Variants in ARHGEF7 observed in about 807,000 individuals in gnomAD.
ARHGEF7 encodes Rho guanine nucleotide exchange factor 7.
Under a neutral mutation model 109.8 loss-of-function variants are expected in ARHGEF7, and 33 were observed. That is an observed-to-expected ratio of 0.30 (90% CI 0.23 to 0.40). The LOEUF (loss-of-function observed/expected upper bound fraction) is 0.40. ARHGEF7 is among the 10% of genes least tolerant of loss of function. The pLI is 1.00. For synonymous variants in ARHGEF7, 458 were observed against 424.6 expected (o/e 1.08, Z -0.97); for missense variants, 938 against 1,098.5 (o/e 0.85, Z 2.07).
At chr13:111,205,252 ACT>A (rs1222598778) in intron 2 of ARHGEF7, 35 bp from the exon 3 acceptor site, 4 of 1,528,688 alleles carry the variant, frequency 2.6e-6, no homozygotes, top group African/African-American at 2.8e-5. Flanking sequence ...CCAACATAAG[ACT>A]CTACTAATTT....
At chr13:111,221,555 A>C (rs1256737734) in intron 5 of ARHGEF7, among the ~76,000 whole-genome samples, 35 of 72,252 alleles carry the variant, frequency 4.8e-4, no homozygotes, top group Admixed American at 7.1e-4. Flanking sequence ...ACATATCTAT[A>C]TATCTATATA....
At chr13:111,225,656 T>G (rs895506085) in intron 5 of ARHGEF7, among the ~76,000 whole-genome samples, 1 of 152,202 alleles carries the variant, frequency 6.6e-6, no homozygotes, top group African/African-American at 2.4e-5. Flanking sequence ...GTATCCGTTA[T>G]GGTGATCTGT....
intron 5 of ARHGEF7, among the ~76,000 whole-genome samples, chr13:111,229,756 G>A (rs564746392): frequency 2.0e-5 from 3 of 152,200 alleles, no homozygotes; most frequent in East Asian, 3.9e-4. Context: ...AGGGGTTCCC[G>A]GAGACTTTTT....
chr13:111,116,637 A>T (rs2153303421), intron 1 of ARHGEF7: 1 of 152,346 alleles, frequency 6.6e-6, no homozygotes, highest in East Asian at 1.9e-4. Flanking sequence ...AAATATAGAA[A>T]TTGAAGTGTA....
chr13:111,140,820 C>T (rs1290699685), intron 1 of ARHGEF7, among the ~76,000 whole-genome samples: 2 of 152,022 alleles, frequency 1.3e-5, no homozygotes, highest in African/African-American at 4.8e-5. Flanking sequence ...GCTAGGACTA[C>T]AGCATACGTC....
intron 1 of ARHGEF7, chr13:111,153,587 C>T (rs2076028958): frequency 9.0e-7 from 1 of 1,105,268 alleles, no homozygotes; most frequent in African/African-American, 1.7e-5. Context: ...CGGGGGCGAA[C>T]ACCCGACGCT....
chr13:111,253,304 T>A (rs1331008211), intron 8 of ARHGEF7, among the ~76,000 whole-genome samples: 1 of 152,232 alleles, frequency 6.6e-6, no homozygotes, highest in Admixed American at 6.5e-5. Flanking sequence ...GGAAAATGAA[T>A]TCTTGGAATC....
In ARHGEF7 at chr13:111,239,744, T is replaced by C. The variant is rs532581026; in HGVS notation, c.760-4128T>C. On this transcript the variant is annotated intron_variant, in intron 6 of 21. Transcript: ENST00000646102. This position sits in a 1 kb window ranked among gnomAD's most constrained non-coding sequence, Gnocchi z 4.3. ...GGTGCCTGCTGGCTTCTTTCACACCTGGCTCCCATTGTTTTTCATGGGATT... is the reference window on the plus strand; with the variant it reads ...GGTGCCTGCTGGCTTCTTTCACACCCGGCTCCCATTGTTTTTCATGGGATT... Among the ~76,000 whole-genome samples, 54 of 152,220 alleles carry C rather than the reference T, an allele frequency of 3.5e-4. No individual in the cohort carries two copies. Among genetic ancestry groups the C allele is most frequent in the South Asian group, 1.9e-3 (9 of 4,814 alleles).
At chr13:111,293,608 G>T in intron 19 of ARHGEF7, 1 of 985,340 alleles carries the variant, frequency 1.0e-6, no homozygotes, top group Non-Finnish European at 1.2e-6. Flanking sequence ...ATTGTGTTCT[G>T]TCCCATGCAC....
At chr13:111,166,311 G>A (rs1221975704) in intron 2 of ARHGEF7, among the ~76,000 whole-genome samples, 1 of 152,224 alleles carries the variant, frequency 6.6e-6, no homozygotes, top group African/African-American at 2.4e-5. Context: ...GTCGTGGGGA[G>A]CGAGATCAGG....
At chr13:111,251,179 C>T (rs549298234) in intron 8 of ARHGEF7, among the ~76,000 whole-genome samples, 7 of 152,216 alleles carry the variant, frequency 4.6e-5, no homozygotes, top group South Asian at 4.2e-4. Context: ...TCGGGTATGA[C>T]GGAAAGGGGT....
chr13:111,186,934 G>C (rs73634352), intron 2 of ARHGEF7: 2 of 985,478 alleles, frequency 2.0e-6, no homozygotes, highest in African/African-American at 1.7e-5. Flanking sequence ...GGTCTACTAC[G>C]TAGAGGTGCA....
chr13:111,264,578 C>G (rs1241818798), intron 8 of ARHGEF7, among the ~76,000 whole-genome samples: 2 of 152,118 alleles, frequency 1.3e-5, no homozygotes, highest in East Asian at 3.9e-4. Flanking sequence ...CCAGTCCGTG[C>G]AGGTAACTGT....
intron 2 of ARHGEF7, among the ~76,000 whole-genome samples, chr13:111,165,813 CAT>C (rs1346238978): frequency 1.3e-5 from 2 of 152,124 alleles, no homozygotes; most frequent in African/African-American, 4.8e-5. Flanking sequence ...TGGATGGCCT[CAT>C]ATGTGTAAGT....
chr13:111,206,202 G>T (rs553756604), intron 3 of ARHGEF7, among the ~76,000 whole-genome samples: 120 of 151,548 alleles, frequency 7.9e-4, no homozygotes, highest in African/African-American at 2.8e-3. Flanking sequence ...ATTTTGTCGG[G>T]GTCGCTTCTC....
At chr13:111,246,057 C>T (rs141477722) in intron 8 of ARHGEF7, among the ~76,000 whole-genome samples, 1,629 of 152,182 alleles carry the variant, frequency 0.011, 11 homozygotes, top group Non-Finnish European at 0.016. Flanking sequence ...GAGGCATGTT[C>T]TGAATAATCA....
rs1412674830 is a variant in ARHGEF7, at chr13:111,116,010, T to TG, written c.165+325dup. On this transcript the variant is annotated intron_variant, in intron 1 of 21. Transcript: ENST00000646102. Reference sequence around the variant, plus strand: ...CCGAACGCTAAGTTGCCCCTCCGCGTGGGGGGCCGGCCCCGCTCCCTGGCA... The same window carrying TG: ...CCGAACGCTAAGTTGCCCCTCCGCGTGGGGGGGCCGGCCCCGCTCCCTGGCA... Among the ~76,000 whole-genome samples, 5 of 144,826 alleles carry TG rather than the reference T, an allele frequency of 3.5e-5. No individual in the cohort carries two copies. The South Asian group carries it at 1.1e-3, about 33-fold the overall frequency.
chr13:111,286,355 G>A, intron 17 of ARHGEF7, 115 bp downstream of exon 17: 1 of 821,326 alleles, frequency 1.2e-6, no homozygotes, highest in South Asian at 1.5e-5. Context: ...ACAAAAGTAA[G>A]GTCTGCCCCT....
intron 2 of ARHGEF7, among the ~76,000 whole-genome samples, chr13:111,183,844 T>C (rs745453271): frequency 7.2e-5 from 11 of 152,224 alleles, no homozygotes; most frequent in Non-Finnish European, 1.2e-4. Flanking sequence ...ACTTGTCATC[T>C]TAGACTTCTC....
Sources: gnomAD v4.1 joint callset for allele counts (sites outside exome capture counted in the v4.1 genomes callset) on GRCh38, gnomAD v4.1.1 for gene constraint, Gnocchi (gnomAD v3.1) non-coding constraint, MANE v1.5 for transcripts, NCBI Gene and HGNC (gene_info 2026-07-23, HGNC 2026-07-21) for gene names.